Variants in DDHD2 observed in about 807,000 individuals in gnomAD.
The protein encoded by DDHD2 is DDHD domain containing 2, also known as triacylglycerol hydrolase DDHD2.
A neutral mutation model predicts 91.2 loss-of-function variants in DDHD2; 62 were observed. That is an observed-to-expected ratio of 0.68 (90% CI 0.55 to 0.84). The LOEUF (loss-of-function observed/expected upper bound fraction) is 0.84, where lower values mean the gene tolerates loss of function less well. DDHD2 is among the 40% of genes least tolerant of loss of function. The probability of loss-of-function intolerance (pLI) is 0.00; values close to 1 mark genes in which losing one functional copy is unlikely to be tolerated. For missense variants in DDHD2, 740 were observed against 846.9 expected (o/e 0.87, Z 1.57); for synonymous variants, 271 against 293.9 (o/e 0.92, Z 0.80).
At chr8:38,238,727 A>G in intron 5 of DDHD2, 1 of 931,290 alleles carries the variant, frequency 1.1e-6, no homozygotes, top group African/African-American at 1.8e-5. Context: ...TTCAGGCTTT[A>G]AAAACATACC....
intron 3 of DDHD2, among the ~76,000 whole-genome samples, chr8:38,235,112 TTCATG>T (rs1187050324): frequency 6.6e-6 from 1 of 152,208 alleles, no homozygotes; most frequent in African/African-American, 2.4e-5. Context: ...GAACTGTTCA[TTCATG>T]TGTTTCATAA....
Position 38,234,769 on chromosome 8 carries a change from A to T in DDHD2, c.411+185A>T, listed in dbSNP as rs960849561. ...CAGGATAAAGTAGTCTTATTTTCAG[A>T]TTTTTTTTTTTTTTTTGAGACGGAG... On this transcript the variant is annotated intron_variant, in intron 3 of 17. Coordinates refer to ENST00000397166, the MANE Select transcript of DDHD2 (RefSeq NM_015214.3). 3.5e-5 allele frequency among the ~76,000 whole-genome samples: 5 copies of T among 142,256 alleles called. No individual in the cohort carries two copies. In the Admixed American group the frequency reaches 3.5e-4, roughly 10 times the overall value. The allele number at this position is 142,256 out of a possible 152,430, so 93.3% of individuals were successfully genotyped here.
Position 38,242,353 on chromosome 8 carries a change from G to A in DDHD2, c.816G>A (p.Trp272Ter). 1.9e-6 allele frequency: 3 copies of A among 1,610,802 alleles called. No homozygotes were observed. The highest frequency in any genetic ancestry group is 1.1e-5 in the South Asian group (1 of 90,174). The change falls in exon 7 of 18, where the codon TGG becomes TGA. Residue 272 changes from tryptophan (W) to a stop codon, truncating the protein, a stop_gained. Transcript: ENST00000397166. LOFTEE classifies it high-confidence loss of function. ...IGRVEFLPVN[W>*]HSPLHSTGVD... ...GGGTAGAATTTCTTCCAGTCAACTG[G>A]CACAGTCCTTTGCATTCTACTGGTG...
chr8:38,253,679 ATGAGTATTTATT>A lies in DDHD2; in HGVS notation c.2018_2029del (p.Glu673_Phe676del), dbSNP rs1165725428. 1.2e-6 allele frequency: 2 copies of A among 1,614,134 alleles called. No homozygotes were observed. Among genetic ancestry groups the A allele is most frequent in the Admixed American group, 3.3e-5 (2 of 60,008 alleles). ...CAGGAGAAGCCTATTGAAAGTTTTAATGAGTATTTATTTGCTTTACAAAGCCATCTATGCTAC... is the reference window on the plus strand; with the variant it reads ...CAGGAGAAGCCTATTGAAAGTTTTAATGCTTTACAAAGCCATCTATGCTAC... On this transcript the variant is annotated inframe_deletion, in exon 16 of 18. Transcript: ENST00000397166.
At chr8:38,247,947 T>A in intron 10 of DDHD2, 112 bp downstream of exon 10, 1 of 806,064 alleles carries the variant, frequency 1.2e-6, no homozygotes, top group Non-Finnish European at 1.9e-6. Flanking sequence ...ACTTTATGAT[T>A]AATGTTCCTT....
chr8:38,267,122 TTAA>T, downstream of DDHD2: 1 of 1,522,876 alleles, frequency 6.6e-7, no homozygotes, highest in Non-Finnish European at 8.8e-7. Flanking sequence ...CTCAGACTTG[TTAA>T]ACTGTGGAGT....
chr8:38,265,049 C>G, downstream of DDHD2: 1 of 820,396 alleles, frequency 1.2e-6, no homozygotes, highest in Non-Finnish European at 2.1e-6. Context: ...CAGATGGATC[C>G]CGAGGTCAGG....
Position 38,247,705 on chromosome 8 carries a change from A to G in DDHD2, c.1126-8A>G. 6.8e-7 allele frequency: 1 copy of G among 1,478,858 alleles called. No individual in the cohort carries two copies. The highest frequency in any genetic ancestry group is 9.1e-7 in the Non-Finnish European group (1 of 1,103,778). The allele number at this position is 1,478,858 out of a possible 1,614,324, so 91.6% of individuals were successfully genotyped here. A position where few individuals can be genotyped will look rare whatever the true frequency, so the allele number is the denominator to read the frequency against. ...TCAAGAATATGAGCTTTATAATTTA[A>G]TTTTTAGGATTCGCTAAATATTGTA... On this transcript the variant is annotated splice_polypyrimidine_tract_variant and splice_region_variant and intron_variant, in intron 9 of 17. Transcript: ENST00000397166.
At chr8:38,264,156 T>G, downstream of DDHD2, 1 of 1,041,034 alleles carries the variant, frequency 9.6e-7, no homozygotes, top group Non-Finnish European at 1.2e-6. Flanking sequence ...ATTCAATTTT[T>G]TTTTTTTTTG....
chr8:38,269,883 T>C (rs1263229676), intron 1 of DDHD2: 1 of 152,244 alleles, frequency 6.6e-6, no homozygotes, highest in Non-Finnish European at 1.5e-5. Context: ...AAAAATTATA[T>C]GTTCCTACCA....
At chr8:38,232,849 T>G in intron 1 of DDHD2, 138 bp from the exon 2 acceptor site, 1 of 631,822 alleles carries the variant, frequency 1.6e-6, no homozygotes, top group South Asian at 2.0e-5. Context: ...TTATGTTATT[T>G]CTCTTTTAAA....
rs187222353 is a variant in DDHD2, at chr8:38,257,912, C to T, written c.2055-2128C>T. Among the ~76,000 whole-genome samples, 13 of 151,984 alleles carry T rather than the reference C, an allele frequency of 8.6e-5. No individual in the cohort carries two copies. In the East Asian group the frequency reaches 2.5e-3, roughly 30 times the overall value. ...CTCCTGACCTCAAGTGATCCCACCTCAGCCTCCCAAAGTGCTGGGATTACA... is the reference window on the plus strand; with the variant it reads ...CTCCTGACCTCAAGTGATCCCACCTTAGCCTCCCAAAGTGCTGGGATTACA... On this transcript the variant is annotated intron_variant, in intron 16 of 17. Coordinates refer to ENST00000397166, the MANE Select transcript of DDHD2 (RefSeq NM_015214.3).
chr8:38,253,044 G>C lies in DDHD2; in HGVS notation c.1808G>C (p.Arg603Thr), dbSNP rs1563312770. 2 of 1,614,004 alleles carry C rather than the reference G, an allele frequency of 1.2e-6. No individual in the cohort carries two copies. Among genetic ancestry groups the C allele is most frequent in the African/African-American group, 1.3e-5 (1 of 74,912 alleles). ...CGGATGGCCTGGAAGTCTTTTACCAGAGCTCCATACCCTGCCTTACAAGCT... is the reference window on the plus strand; with the variant it reads ...CGGATGGCCTGGAAGTCTTTTACCACAGCTCCATACCCTGCCTTACAAGCT... ...SLRMAWKSFTRAPYPALQASE... is the reference protein window; with the variant it reads ...SLRMAWKSFTTAPYPALQASE... Residue 603 changes from arginine (R) to threonine (T), a missense_variant, in exon 15 of 18, where the codon AGA becomes ACA. This residue lies in a region of DDHD2 where 693 missense variants were observed against 764.2 expected (regional missense o/e 0.91). Transcript: ENST00000397166.
intron 1 of DDHD2, chr8:38,268,557 A>G: frequency 1.3e-6 from 2 of 1,512,528 alleles, no homozygotes; most frequent in Non-Finnish European, 8.8e-7. Context: ...GACTCACTGG[A>G]GCTAACATAA....
At chr8:38,269,146 G>T (rs1263248816) in intron 1 of DDHD2, 3 of 1,517,326 alleles carry the variant, frequency 2.0e-6, no homozygotes, top group Non-Finnish European at 2.6e-6. Flanking sequence ...CGAACAGCGC[G>T]AGCCGCACGC....
At chr8:38,252,428 A>C in intron 13 of DDHD2, 141 bp downstream of exon 13, 1 of 962,462 alleles carries the variant, frequency 1.0e-6, no homozygotes, top group Non-Finnish European at 1.6e-6. Context: ...TTGATTTGGA[A>C]GTGATGGAGC....
At chr8:38,237,503 C>T in intron 3 of DDHD2, 35 bp from the exon 4 acceptor site, 1 of 1,063,050 alleles carries the variant, frequency 9.4e-7, no homozygotes, top group East Asian at 2.4e-5. Context: ...AGGAAAGCTA[C>T]TAGAGAACTC....
chr8:38,235,445 G>A (rs916376792), intron 3 of DDHD2, among the ~76,000 whole-genome samples: 8 of 152,096 alleles, frequency 5.3e-5, no homozygotes, highest in Non-Finnish European at 1.0e-4. Flanking sequence ...AAATACTCCG[G>A]GCCTGGTGGC....
intron 13 of DDHD2, 43 bp from the exon 14 acceptor site, chr8:38,252,679 G>A: frequency 7.6e-7 from 1 of 1,322,436 alleles, no homozygotes; most frequent in Non-Finnish European, 1.1e-6. Context: ...TTTCCAGACT[G>A]TGCTTAGCAG....
Sources: allele counts gnomAD v4.1 joint callset (sites outside exome capture counted in the v4.1 genomes callset), GRCh38; gene constraint gnomAD v4.1.1; regional missense constraint gnomAD v4.1.1; transcripts MANE v1.5; gene names NCBI Gene and HGNC (gene_info 2026-07-23, HGNC 2026-07-21).